The following FRYL variants were observed in gnomAD, a reference collection of about 807,000 sequenced individuals.
FRYL encodes protein furry homolog-like.
A neutral mutation model predicts 351.2 loss-of-function variants in FRYL; 150 were observed. The observed-to-expected ratio is 0.43, with a 90% CI of 0.37 to 0.49. The LOEUF (loss-of-function observed/expected upper bound fraction) is 0.49, where lower values mean the gene tolerates loss of function less well. Ranked by LOEUF, FRYL falls within the 20% of genes least tolerant of loss-of-function variation. FRYL has a pLI of 0.00. For missense variants in FRYL, 3,036 were observed against 3,619.3 expected, an observed-to-expected ratio of 0.84 and a Z score of 4.13; for synonymous variants, 1,153 against 1,257.1, an observed-to-expected ratio of 0.92 and a Z score of 1.75.
chr4:48,682,855 T>C (rs1049999092), intron 3 of FRYL, among the ~76,000 whole-genome samples: 1 of 152,190 alleles, frequency 6.6e-6, no homozygotes, highest in Non-Finnish European at 1.5e-5. Context: ...TGGAAGACAA[T>C]GTGGTGATTC....
At chr4:48,669,499 G>C (rs1762285721) in intron 3 of FRYL, among the ~76,000 whole-genome samples, 1 of 151,144 alleles carries the variant, frequency 6.6e-6, no homozygotes, top group Non-Finnish European at 1.5e-5. Flanking sequence ...AGTACATACT[G>C]GATATACACC....
At chr4:48,687,923 T>C (rs1193940646) in intron 2 of FRYL, among the ~76,000 whole-genome samples, 1 of 152,102 alleles carries the variant, frequency 6.6e-6, no homozygotes, top group Non-Finnish European at 1.5e-5. Context: ...TCATAAAAGA[T>C]TGGGGTCCCT....
In FRYL at chr4:48,602,082, G is replaced by T; in HGVS notation, c.973C>A (p.Gln325Lys). The T allele has an allele frequency of 1.2e-6, 2 of 1,601,566 alleles. No individual in the cohort carries two copies. The highest frequency in any genetic ancestry group is 2.2e-5 in the South Asian group (2 of 90,712). The part of the protein sequence containing the change: ...PLITCLLCVS[Q>K]KQFFLNNWHI... ...CAGTTATTTAAAAAAAATTGTTTCT[G>T]ACTGACACATAAAAGGCAGGTAATT... Residue 325 changes from glutamine to lysine, a missense_variant, in exon 13 of 64, where the codon CAG (glutamine) becomes AAG (lysine). Physicochemically the swap from Gln to Lys is moderately conservative, Grantham distance 53. Transcript: ENST00000358350.
At chr4:48,634,231 T>C in intron 4 of FRYL, 60 bp downstream of exon 4, 1 of 1,208,610 alleles carries the variant, frequency 8.3e-7, no homozygotes, top group Non-Finnish European at 1.2e-6. Flanking sequence ...AAATCTGCAT[T>C]ATAGTGGTTA....
chr4:48,613,325 A>T (rs1267082012), intron 7 of FRYL, among the ~76,000 whole-genome samples: 1 of 152,152 alleles, frequency 6.6e-6, no homozygotes, highest in Non-Finnish European at 1.5e-5. Flanking sequence ...CAGATTAGGG[A>T]TGCTCAACCT....
At chr4:48,639,751 AAAAT>A (rs2149389064) in intron 3 of FRYL, among the ~76,000 whole-genome samples, 1 of 152,276 alleles carries the variant, frequency 6.6e-6, no homozygotes, top group East Asian at 1.9e-4. Context: ...AAAAAATTGC[AAAAT>A]ACATACTTGA....
intron 15 of FRYL, 139 bp from the exon 16 acceptor site, chr4:48,594,155 T>C (rs1380139775): frequency 1.3e-5 from 6 of 459,964 alleles, no homozygotes; most frequent in South Asian, 4.5e-5. Context: ...AAAATACATA[T>C]GAATTAAGGT....
intron 1 of FRYL, among the ~76,000 whole-genome samples, chr4:48,771,683 A>G (rs1775523291): frequency 1.3e-5 from 2 of 152,184 alleles, no homozygotes; most frequent in Non-Finnish European, 2.9e-5. Flanking sequence ...AAAACCAGAA[A>G]AAAAGCACGA....
chr4:48,520,751 T>C (rs1724738164), intron 55 of FRYL: 2 of 226,536 alleles, frequency 8.8e-6, no homozygotes, highest in African/African-American at 2.3e-5. Context: ...GAAAATACAG[T>C]GCAATAGATG....
chr4:48,498,783 T>C lies in FRYL; in HGVS notation c.*639A>G, dbSNP rs115212906. On this transcript the variant is annotated 3_prime_UTR_variant, in exon 64 of 64. Transcript: ENST00000358350. ...CTGAGACGTTATCACCAAACATCCA[T>C]ACCTTGAAAATATGACTATCACATA... 1,547 of 152,762 alleles carry C rather than the reference T, an allele frequency of 0.01. 10 individuals carry two copies. The highest frequency in any genetic ancestry group is 0.016 in the South Asian group (78 of 4,822). The allele number at this position is 152,762 out of a possible 1,614,324, so 9.5% of individuals were successfully genotyped here.
In FRYL at chr4:48,527,658, T is replaced by G; in HGVS notation, c.7141-5A>C. ...CTCATTAGAAGAAAATACAACCTGA[T>G]GCCCGATTAAAAAAAAAAAAAAAGT... On this transcript the variant is annotated splice_polypyrimidine_tract_variant and splice_region_variant and intron_variant, in intron 52 of 63. Transcript: ENST00000358350. The G allele has an allele frequency of 6.7e-7, 1 of 1,495,916 alleles. No individual in the cohort carries two copies. The highest frequency in any genetic ancestry group is 1.2e-5 in the South Asian group (1 of 81,772). The allele number at this position is 1,495,916 out of a possible 1,614,324, so 92.7% of individuals were successfully genotyped here.
At chr4:48,685,183 G>T (rs1765022697) in intron 2 of FRYL, among the ~76,000 whole-genome samples, 1 of 151,862 alleles carries the variant, frequency 6.6e-6, no homozygotes, top group Non-Finnish European at 1.5e-5. Context: ...TCTAAGACAA[G>T]GATTTACTTT....
intron 4 of FRYL, among the ~76,000 whole-genome samples, chr4:48,627,540 T>C (rs2149344886): frequency 6.6e-6 from 1 of 152,290 alleles, no homozygotes; most frequent in African/African-American, 2.4e-5. Context: ...GAGCTTTTCC[T>C]GAAGCGGAAA....
At chr4:48,524,755 C>T (rs138269315) in intron 53 of FRYL, among the ~76,000 whole-genome samples, 2 of 152,244 alleles carry the variant, frequency 1.3e-5, no homozygotes, top group African/African-American at 4.8e-5. Flanking sequence ...TTACCACTGA[C>T]ATTTTAGAGC....
intron 60 of FRYL, among the ~76,000 whole-genome samples, chr4:48,504,468 C>T (rs1392941029): frequency 6.6e-6 from 1 of 152,088 alleles, no homozygotes; most frequent in Non-Finnish European, 1.5e-5. Context: ...GGTTACATTA[C>T]TTGCCGAAGT....
In FRYL at chr4:48,542,400, T is replaced by C. The variant is rs185842738; in HGVS notation, c.5593-279A>G. ...TCTAAACTGAATCCACCAGCAAGTC[T>C]TGAAAATATTACTTTTGTTTGTTTG... On this transcript the variant is annotated intron_variant, in intron 44 of 63. Coordinates refer to ENST00000358350, the MANE Select transcript of FRYL (RefSeq NM_015030.2). Among the ~76,000 whole-genome samples, 292 of 152,272 alleles carry C rather than the reference T, an allele frequency of 1.9e-3. 3 individuals are homozygous for C. Among genetic ancestry groups the C allele is most frequent in the Non-Finnish European group, 3.2e-3 (215 of 68,016 alleles).
intron 3 of FRYL, among the ~76,000 whole-genome samples, chr4:48,647,780 T>C (rs1275263405): frequency 6.6e-6 from 1 of 152,190 alleles, no homozygotes; most frequent in Non-Finnish European, 1.5e-5. Context: ...TACTTAATAG[T>C]ACAATGAGTT....
chr4:48,742,063 T>A (rs1178345326), intron 1 of FRYL, among the ~76,000 whole-genome samples: 2 of 152,126 alleles, frequency 1.3e-5, no homozygotes, highest in East Asian at 1.9e-4. Context: ...TTGTAGCAAA[T>A]GTACCCCCCT....
intron 57 of FRYL, 85 bp from the exon 58 acceptor site, chr4:48,511,069 A>G: frequency 2.6e-6 from 2 of 757,890 alleles, no homozygotes; most frequent in East Asian, 5.6e-5. Context: ...AATAGGGTAG[A>G]CTTTTATTTT....
Sources: gnomAD v4.1 joint callset for allele counts (sites outside exome capture counted in the v4.1 genomes callset) on GRCh38, gnomAD v4.1.1 for gene constraint, MANE v1.5 for transcripts, NCBI Gene and HGNC (gene_info 2026-07-23, HGNC 2026-07-21) for gene names.